Variants in CRACD observed in about 807,000 individuals in gnomAD.
The protein encoded by CRACD is capping protein-inhibiting regulator of actin dynamics.
In CRACD, 56 loss-of-function variants were observed where a neutral mutation model predicts 106.8. The observed-to-expected ratio is 0.52, with a 90% confidence interval of 0.42 to 0.66. The LOEUF is 0.66. Ranked by LOEUF, CRACD falls within the 30% of genes least tolerant of loss-of-function variation. The pLI, the probability that CRACD is intolerant of heterozygous loss-of-function variation, is 0.00. For missense variants in CRACD, 1,730 were observed against 1,623.2 expected (o/e 1.07, Z -1.13); for synonymous variants, 754 against 670.8 (o/e 1.12, Z -1.92).
chr4:56,258,080 C>CA (rs568556506), intron 2 of CRACD, among the ~76,000 whole-genome samples: 2,917 of 123,258 alleles, frequency 0.024, 43 homozygotes, highest in Middle Eastern at 0.037. Flanking sequence ...GAAAAAAAAA[C>CA]AAAAAAAAAA....
At chr4:56,308,427 C>T (rs1470488083) in intron 5 of CRACD, among the ~76,000 whole-genome samples, 3 of 150,720 alleles carry the variant, frequency 2.0e-5, no homozygotes, top group South Asian at 2.1e-4. Context: ...CAACCAGTAG[C>T]GAGTCAGGAA....
At chr4:56,138,900 A>G (rs1461010748) in intron 1 of CRACD, among the ~76,000 whole-genome samples, 1 of 152,172 alleles carries the variant, frequency 6.6e-6, no homozygotes, top group Non-Finnish European at 1.5e-5. Context: ...GAGATCTTCT[A>G]TTTTCTCAGC....
At chr4:56,313,763 G>C (rs896311464) in intron 7 of CRACD, among the ~76,000 whole-genome samples, 1 of 152,000 alleles carries the variant, frequency 6.6e-6, no homozygotes, top group Admixed American at 6.5e-5. Flanking sequence ...GGTTTTCCTC[G>C]TTTGTTCATA....
At chr4:56,191,168 A>G (rs74591019) in intron 2 of CRACD, among the ~76,000 whole-genome samples, 3,579 of 151,090 alleles carry the variant, frequency 0.024, 151 homozygotes, top group African/African-American at 0.083. Flanking sequence ...ACAAAGTATC[A>G]TAAACATAGT....
chr4:56,122,289 A>G (rs1210161826), intron 1 of CRACD, among the ~76,000 whole-genome samples: 2 of 150,652 alleles, frequency 1.3e-5, no homozygotes, highest in East Asian at 2.0e-4. Context: ...AATAAAGCAT[A>G]TAACCTCCAA....
intron 1 of CRACD, among the ~76,000 whole-genome samples, chr4:56,108,330 GGT>G (rs1734012892): frequency 6.6e-6 from 1 of 151,930 alleles, no homozygotes; most frequent in Admixed American, 6.6e-5. Context: ...TCACTTCTCT[GGT>G]ATTTTCCCCA....
At chr4:56,092,539 T>C (rs150571723) in intron 1 of CRACD, among the ~76,000 whole-genome samples, 4 of 152,324 alleles carry the variant, frequency 2.6e-5, no homozygotes, top group African/African-American at 9.6e-5. Context: ...TTTGGGTACA[T>C]TGGTTATATA....
chr4:56,257,134 T>G (rs562461794), intron 2 of CRACD, among the ~76,000 whole-genome samples: 1 of 146,652 alleles, frequency 6.8e-6, no homozygotes, highest in South Asian at 2.2e-4. Flanking sequence ...CAGTCTGGAG[T>G]GCAGTGGTGC....
intron 1 of CRACD, among the ~76,000 whole-genome samples, chr4:56,139,344 T>C (rs1424119580): frequency 1.3e-5 from 2 of 152,180 alleles, no homozygotes; most frequent in Non-Finnish European, 2.9e-5. Context: ...TTTCTCTCTC[T>C]CTTTCTTTCC....
chr4:56,124,865 G>A (rs978661417), intron 1 of CRACD, among the ~76,000 whole-genome samples: 3 of 152,158 alleles, frequency 2.0e-5, no homozygotes, highest in Non-Finnish European at 2.9e-5. Flanking sequence ...TCCCTAAGTG[G>A]AGCCGCTGGC....
intron 4 of CRACD, among the ~76,000 whole-genome samples, chr4:56,307,284 T>C (rs545694667): frequency 6.6e-6 from 1 of 151,844 alleles, no homozygotes; most frequent in South Asian, 2.1e-4. Flanking sequence ...GGGATCTCCA[T>C]GAAAGAGGTG....
intron 2 of CRACD, among the ~76,000 whole-genome samples, chr4:56,223,288 G>C (rs889352128): frequency 2.0e-5 from 3 of 150,686 alleles, no homozygotes; most frequent in African/African-American, 7.3e-5. Flanking sequence ...TCTGGGTTTT[G>C]CTAGTTGCAT....
Position 56,298,425 on chromosome 4 carries a change from C to G in CRACD, c.120+76C>G, listed in dbSNP as rs1210716676. The G allele has an allele frequency of 3.2e-6, 5 of 1,571,350 alleles. No individual in the cohort carries two copies. The East Asian group carries it at 9.0e-5, about 28-fold the overall frequency. On this transcript the variant is annotated intron_variant, in intron 4 of 10. Transcript: ENST00000682029. ...GAAGGGAAGTGGGAAAAGTCCCGAG[C>G]TTGGCCTTGAGTAATGGATTGGGAG...
chr4:56,210,692 AC>A (rs2109490937), intron 2 of CRACD, among the ~76,000 whole-genome samples: 1 of 152,370 alleles, frequency 6.6e-6, no homozygotes, highest in Non-Finnish European at 1.5e-5. Context: ...AGACAGAGAT[AC>A]CCTTACAAAT....
intron 2 of CRACD, among the ~76,000 whole-genome samples, chr4:56,213,516 C>G (rs1478560070): frequency 6.6e-6 from 1 of 152,172 alleles, no homozygotes; most frequent in East Asian, 1.9e-4. Flanking sequence ...GGGATCACCT[C>G]CACTTCCACA....
At chr4:56,088,791 G>A (rs1385743454) in intron 1 of CRACD, among the ~76,000 whole-genome samples, 12 of 150,868 alleles carry the variant, frequency 8.0e-5, no homozygotes, top group African/African-American at 2.9e-4. Context: ...AGCAGCGTGA[G>A]CGTGGCTCAC....
rs1212650511 is a variant in CRACD, at chr4:56,170,946, G to T, written c.-335-8338G>T. Among the ~76,000 whole-genome samples the T allele has an allele frequency of 2.0e-5, 3 of 152,154 alleles. No individual in the cohort carries two copies. The East Asian group carries it at 5.8e-4, about 29-fold the overall frequency. Reference sequence around the variant, plus strand: ...AATTAATCTGGCAGTAATGTTTAGGGTTCAACAGAGGCAGACAAACTAAAT... The same window carrying T: ...AATTAATCTGGCAGTAATGTTTAGGTTTCAACAGAGGCAGACAAACTAAAT... On this transcript the variant is annotated intron_variant, in intron 1 of 10. Transcript: ENST00000682029.
chr4:56,273,040 T>C (rs561853015), intron 3 of CRACD, among the ~76,000 whole-genome samples: 56 of 152,090 alleles, frequency 3.7e-4, no homozygotes, highest in Non-Finnish European at 6.9e-4. Flanking sequence ...GAATTGGGCA[T>C]TCATTTCGCT....
intron 9 of CRACD, 81 bp downstream of exon 9, chr4:56,323,648 G>C (rs1047555206): frequency 2.3e-4 from 301 of 1,320,396 alleles, no homozygotes; most frequent in Non-Finnish European, 8.8e-5. Flanking sequence ...AAAACAAAAG[G>C]CTAGCTGGGC....
Sources: gnomAD v4.1 joint callset for allele counts (sites outside exome capture counted in the v4.1 genomes callset) on GRCh38, gnomAD v4.1.1 for gene constraint, MANE v1.5 for transcripts, NCBI Gene and HGNC (gene_info 2026-07-23, HGNC 2026-07-21) for gene names.